Variants in USP6NL observed in about 807,000 individuals in gnomAD.
USP6NL encodes the protein USP6 N-terminal-like protein.
Under a neutral mutation model 61.9 loss-of-function variants are expected in USP6NL, and 26 were observed. The observed-to-expected ratio is 0.42, with a 90% confidence interval of 0.31 to 0.58. The LOEUF (loss-of-function observed/expected upper bound fraction) is 0.58, where lower values mean the gene tolerates loss of function less well. Ranked by LOEUF, USP6NL falls within the 20% of genes least tolerant of loss-of-function variation. USP6NL has a pLI of 0.16. For missense variants in USP6NL, 1,114 were observed against 1,034.3 expected (o/e 1.08, Z -1.06); for synonymous variants, 432 against 390.1 (o/e 1.11, Z -1.27).
rs554682899 is a variant in USP6NL at position 11,540,665 on chromosome 10, T to A, written c.5-13098A>T. Among the ~76,000 whole-genome samples the A allele has an allele frequency of 5.9e-5, 9 of 152,330 alleles. No individual in the cohort carries two copies. The highest frequency in any genetic ancestry group is 2.2e-4 in the African/African-American group (9 of 41,572). On this transcript the variant is annotated intron_variant, in intron 2 of 14. Coordinates refer to ENST00000609104, the MANE Select transcript of USP6NL (RefSeq NM_014688.5). This position sits in a 1 kb window ranked among gnomAD's most constrained non-coding sequence, Gnocchi z 5.0. ...ATAATTCATAGACTGCCCACTCTGA[T>A]GCTTAATAACTAATTCCACAGGCAG... is the stretch of plus-strand genomic sequence containing the variant.
chr10:11,526,387 G>A (rs1289554842), intron 3 of USP6NL, among the ~76,000 whole-genome samples: 1 of 152,144 alleles, frequency 6.6e-6, no homozygotes, highest in Non-Finnish European at 1.5e-5. Flanking sequence ...TCCTGTCTAT[G>A]AATCCCCAAG....
chr10:11,530,949 C>T (rs1835631754), intron 2 of USP6NL, among the ~76,000 whole-genome samples: 1 of 152,156 alleles, frequency 6.6e-6, no homozygotes, highest in Admixed American at 6.5e-5. Context: ...CAACCGTGTG[C>T]CCCAAAACAG....
At chr10:11,501,350 T>C (rs1029434718) in intron 6 of USP6NL, 142 bp from the exon 7 acceptor site, 6 of 627,626 alleles carry the variant, frequency 9.6e-6, no homozygotes, top group African/African-American at 5.5e-5. Context: ...ACATGGCACA[T>C]GGAGGTACTG....
chr10:11,517,464 T>C (rs1257386877), intron 5 of USP6NL, among the ~76,000 whole-genome samples: 1 of 152,228 alleles, frequency 6.6e-6, no homozygotes, highest in African/African-American at 2.4e-5. Flanking sequence ...TGTGAGCTTC[T>C]CCAAGGCAGA....
chr10:11,489,059 T>A lies in USP6NL; in HGVS notation c.664+43A>T. 6.2e-7 allele frequency: 1 copy of A among 1,602,138 alleles called. No individual in the cohort carries two copies. Among genetic ancestry groups the A allele is most frequent in the Non-Finnish European group, 8.5e-7 (1 of 1,172,742 alleles). ...TTTGGTTTTGTTTTAATCTACTTTT[T>A]TCCCTACCTTGATTGTTTAGATAAA... On this transcript the variant is annotated intron_variant, in intron 10 of 14. Coordinates refer to ENST00000609104, the MANE Select transcript of USP6NL (RefSeq NM_014688.5). This position sits in a 1 kb window ranked among gnomAD's most constrained non-coding sequence, Gnocchi z 5.7.
intron 1 of USP6NL, among the ~76,000 whole-genome samples, chr10:11,603,426 C>T (rs1745963886): frequency 6.6e-6 from 1 of 152,188 alleles, no homozygotes; most frequent in Non-Finnish European, 1.5e-5. Flanking sequence ...CAGAACTGCA[C>T]ATAATGCCTG....
At position 11,591,617 on chromosome 10, in the gene USP6NL, A is replaced by G. The variant is rs568670672; in HGVS notation, c.4+6014T>C. ...TTAAACATTTCAATTTCTTTTCTAG[A>G]TAGAGGTGTGTGTGAGAGAGGGAAA... On this transcript the variant is annotated intron_variant, in intron 2 of 14. Coordinates refer to ENST00000609104, the MANE Select transcript of USP6NL (RefSeq NM_014688.5). This position sits in a 1 kb window ranked among gnomAD's most constrained non-coding sequence, Gnocchi z 4.7. 6.6e-6 allele frequency among the ~76,000 whole-genome samples: 1 copy of G among 152,130 alleles called. No homozygotes were observed. The highest frequency in any genetic ancestry group is 1.5e-5 in the Non-Finnish European group (1 of 68,026).
intron 3 of USP6NL, 33 bp downstream of exon 3, chr10:11,527,467 A>C (rs1246597532): frequency 1.3e-6 from 2 of 1,560,196 alleles, no homozygotes; most frequent in Admixed American, 1.9e-5. Flanking sequence ...TTTCTAATAA[A>C]ACTCACCCAA....
At chr10:11,498,845 G>A (rs1834055410) in intron 7 of USP6NL, among the ~76,000 whole-genome samples, 1 of 151,718 alleles carries the variant, frequency 6.6e-6, no homozygotes, top group Non-Finnish European at 1.5e-5. Flanking sequence ...CCATAAAGGT[G>A]ATTTCTTTTC....
chr10:11,515,059 T>C (rs1266747927), intron 5 of USP6NL, among the ~76,000 whole-genome samples: 1 of 152,212 alleles, frequency 6.6e-6, no homozygotes, highest in Admixed American at 6.5e-5. Flanking sequence ...CCTCTCCTAC[T>C]GGGGCAAAGA....
chr10:11,546,919 T>C (rs912844142), intron 2 of USP6NL, among the ~76,000 whole-genome samples: 2 of 152,242 alleles, frequency 1.3e-5, no homozygotes, highest in Admixed American at 1.3e-4. Context: ...ATGTCTGGAA[T>C]GTGTGGATAT....
chr10:11,555,108 GGT>G (rs1491440890), intron 2 of USP6NL, among the ~76,000 whole-genome samples: 6 of 100,638 alleles, frequency 6.0e-5, no homozygotes, highest in African/African-American at 6.6e-5. Context: ...TTTTTTTTTT[GGT>G]TTTTTTTTTT....
Position 11,485,177 on chromosome 10 carries a change from G to A in USP6NL, c.817C>T (p.Leu273Phe). The A allele has an allele frequency of 6.5e-7, 1 of 1,537,888 alleles. No individual in the cohort carries two copies. Among genetic ancestry groups the A allele is most frequent in the Non-Finnish European group, 8.7e-7 (1 of 1,144,058 alleles). The stretch of plus-strand genomic sequence containing the variant: ...TGTAAATAAATACTTACACGATCAA[G>A]GAAACACTGAAAAAACCATTTCATT... ...YTMKWFFQCF[L>F]DRTPFTLNLR... The change falls in exon 12 of 15, where the codon CTT (leucine) becomes TTT (phenylalanine). Residue 273 changes from leucine (L) to phenylalanine (F), a missense_variant. Transcript: ENST00000609104. This position sits in a 1 kb window ranked among gnomAD's most constrained non-coding sequence, Gnocchi z 4.8.
Position 11,463,470 on chromosome 10 carries a change from T to C in USP6NL, c.1458A>G (p.Lys486=), listed in dbSNP as rs142612458. ...CTGAGACGTCTGACGGTTTATTCCA[T>C]TTGGGCACAAACTCCTTCCTGATAT... ...TSNIRKEFVP[K]WNKPSDVSAT... The change falls in exon 15 of 15, where the codon AAA becomes AAG. Residue 486 remains lysine (K), a synonymous_variant. Coordinates refer to ENST00000609104, the MANE Select transcript of USP6NL (RefSeq NM_014688.5). The surrounding 1 kb of genome is among the most constrained non-coding windows in gnomAD (Gnocchi z 6.3). 6.8e-6 allele frequency: 11 copies of C among 1,614,062 alleles called. No homozygotes were observed. In the East Asian group the frequency reaches 2.5e-4, roughly 36 times the overall value.
Position 11,498,235 on chromosome 10 carries a change from C to CAAA in USP6NL, c.384+2863_384+2865dup, listed in dbSNP as rs11341542. 1.7e-3 allele frequency among the ~76,000 whole-genome samples: 65 copies of CAAA among 38,802 alleles called. 2 individuals are homozygous for CAAA. The highest frequency in any genetic ancestry group is 8.7e-3 in the African/African-American group (62 of 7,114). The allele number at this position is 38,802 out of a possible 152,430, so 25.5% of individuals were successfully genotyped here. On this transcript the variant is annotated intron_variant, in intron 7 of 14. Coordinates refer to ENST00000609104, the MANE Select transcript of USP6NL (RefSeq NM_014688.5). ...TGGGCAACAGAGTGACACTCTGTCTCAAAAAAAAAAAAAAAAAAAAAAAAA... is the reference window on the plus strand; with the variant it reads ...TGGGCAACAGAGTGACACTCTGTCTCAAAAAAAAAAAAAAAAAAAAAAAAAAAA...
chr10:11,562,806 G>A lies in USP6NL; in HGVS notation c.4+34825C>T, dbSNP rs116364225. On this transcript the variant is annotated intron_variant, in intron 2 of 14. Transcript: ENST00000609104. The surrounding 1 kb of genome is among the most constrained non-coding windows in gnomAD (Gnocchi z 4.8). ...TTTCTCAGTATTCTAGTTTTATTAG[G>A]CATTAGTAAATAAGTTTTAGAAGAA... The A allele has an allele frequency of 3.9e-4, 380 of 982,414 alleles. 2 individuals carry two copies. In the African/African-American group the frequency reaches 6.2e-3, roughly 16 times the overall value. The allele number at this position is 982,414 out of a possible 1,614,324, so 60.9% of individuals were successfully genotyped here.
Position 11,487,849 on chromosome 10 carries a change from T to A in USP6NL, c.664+1253A>T, listed in dbSNP as rs1223406384. Among the ~76,000 whole-genome samples, 1 of 152,124 alleles carries A rather than the reference T, an allele frequency of 6.6e-6. No homozygotes were observed. Among genetic ancestry groups the A allele is most frequent in the African/African-American group, 2.4e-5 (1 of 41,416 alleles). Reference sequence around the variant, plus strand: ...ACACAATATCCTCACATGGTCAGAGTGTGAGACTTCACAAACAATGGGCTA... The same window carrying A: ...ACACAATATCCTCACATGGTCAGAGAGTGAGACTTCACAAACAATGGGCTA... On this transcript the variant is annotated intron_variant, in intron 10 of 14. Coordinates refer to ENST00000609104, the MANE Select transcript of USP6NL (RefSeq NM_014688.5). This position sits in a 1 kb window ranked among gnomAD's most constrained non-coding sequence, Gnocchi z 4.2.
At position 11,552,828 on chromosome 10, in the gene USP6NL, T is replaced by G. The variant is rs544138862; in HGVS notation, c.5-25261A>C. Among the ~76,000 whole-genome samples the G allele has an allele frequency of 9.2e-5, 14 of 152,338 alleles. No individual in the cohort carries two copies. The South Asian group carries it at 2.9e-3, about 32-fold the overall frequency. Reference sequence around the variant, plus strand: ...AAAGCTTTGCTGCTTTATTATTTTTTTAATAGATTTGGGGGACGGTGGGTA... The same window carrying G: ...AAAGCTTTGCTGCTTTATTATTTTTGTAATAGATTTGGGGGACGGTGGGTA... On this transcript the variant is annotated intron_variant, in intron 2 of 14. Transcript: ENST00000609104.
chr10:11,607,778 A>T (rs1044265982), intron 1 of USP6NL, among the ~76,000 whole-genome samples: 1 of 152,228 alleles, frequency 6.6e-6, no homozygotes, highest in African/African-American at 2.4e-5. Flanking sequence ...GAAGATTAAA[A>T]ATAATATTCT....
Sources: gnomAD v4.1 joint callset for allele counts (sites outside exome capture counted in the v4.1 genomes callset) on GRCh38, gnomAD v4.1.1 for gene constraint, Gnocchi (gnomAD v3.1) non-coding constraint, MANE v1.5 for transcripts, NCBI Gene and HGNC (gene_info 2026-07-23, HGNC 2026-07-21) for gene names.